H6PD: variants seen among roughly 807,000 people sequenced by gnomAD.
H6PD encodes the protein GDH/6PGL endoplasmic bifunctional protein.
A neutral mutation model predicts 61.2 loss-of-function variants in H6PD; 48 were observed. The observed-to-expected ratio is 0.78, with a 90% confidence interval of 0.62 to 1.00. H6PD has a LOEUF of 1.00. Ranked by LOEUF, H6PD falls within the 50% of genes least tolerant of loss-of-function variation. The probability of loss-of-function intolerance (pLI) is 0.00; values close to 1 mark genes in which losing one functional copy is unlikely to be tolerated. For synonymous variants in H6PD, 480 were observed against 457.9 expected (o/e 1.05, Z -0.62); for missense variants, 1,093 against 1,065.0 (o/e 1.03, Z -0.37).
intron 1 of H6PD, among the ~76,000 whole-genome samples, chr1:9,241,257 CT>C (rs976993116): frequency 8.9e-6 from 1 of 112,464 alleles, no homozygotes; most frequent in East Asian, 3.2e-4. Context: ...TTCACTGCCC[CT>C]CCCCCCACCC....
chr1:9,258,479 T>C (rs1641597146), intron 3 of H6PD, among the ~76,000 whole-genome samples: 1 of 152,222 alleles, frequency 6.6e-6, no homozygotes, highest in Admixed American at 6.5e-5. Flanking sequence ...ACACCGGTGT[T>C]GTACACCATT....
At chr1:9,253,687 C>A (rs756762045) in intron 3 of H6PD, among the ~76,000 whole-genome samples, 18 of 152,198 alleles carry the variant, frequency 1.2e-4, no homozygotes, top group Non-Finnish European at 1.8e-4. Context: ...TACCTCCAGC[C>A]GCCTTTTAGA....
chr1:9,260,022 C>A (rs910675536), intron 3 of H6PD, among the ~76,000 whole-genome samples: 5 of 151,264 alleles, frequency 3.3e-5, no homozygotes, highest in African/African-American at 1.2e-4. Context: ...TGTTGTTATG[C>A]TGGTGTTGTT....
At position 9,263,612 on chromosome 1, in the gene H6PD, C is replaced by T. The variant is rs367995382; in HGVS notation, c.1119C>T (p.Phe373=). 4.4e-5 allele frequency: 71 copies of T among 1,614,126 alleles called. No individual in the cohort carries two copies. The highest frequency in any genetic ancestry group is 5.6e-5 in the Non-Finnish European group (66 of 1,180,040). Residue 373 remains phenylalanine, a synonymous_variant, in exon 5 of 5, where the codon TTC becomes TTT. Coordinates refer to ENST00000377403, the MANE Select transcript of H6PD (RefSeq NM_004285.4). The stretch of plus-strand genomic sequence containing the variant: ...GAGTGGGCTACGCTCGGATCTTGTT[C>T]AAGAACCAGGCCTGCTGTGTGCAGA... ...DERVGYARIL[F]KNQACCVQSE...
At position 9,245,635 on chromosome 1, in the gene H6PD, G is replaced by A. The variant is rs950404089; in HGVS notation, c.627+74G>A. 36 of 1,442,916 alleles carry A rather than the reference G, an allele frequency of 2.5e-5. No homozygotes were observed. Among genetic ancestry groups the A allele is most frequent in the Middle Eastern group, 1.8e-4 (1 of 5,698 alleles). The allele number at this position is 1,442,916 out of a possible 1,614,324, so 89.4% of individuals were successfully genotyped here. A position where few individuals can be genotyped will look rare whatever the true frequency, so the allele number is the denominator to read the frequency against. On this transcript the variant is annotated intron_variant, in intron 2 of 4. Transcript: ENST00000377403. The surrounding 1 kb of genome is among the most constrained non-coding windows in gnomAD (Gnocchi z 4.8). ...GTAGACCCCAGCAACAAAGCCGCTC[G>A]CTCATTGTGGAGCTAGGCCCCAAGG... is the stretch of plus-strand genomic sequence containing the variant.
intron 1 of H6PD, among the ~76,000 whole-genome samples, chr1:9,236,668 T>TAAAAAAAA (rs34967254): frequency 4.5e-5 from 5 of 111,458 alleles, no homozygotes; most frequent in African/African-American, 1.6e-4. Context: ...GACTTCTCCT[T>TAAAAAAAA]AAAAAAAAAA....
rs779837149 is a variant in H6PD at position 9,264,441 on chromosome 1, A to C, written c.1948A>C (p.Asn650His). Residue 650 changes from asparagine to histidine, a missense_variant, in exon 5 of 5, where the codon AAC (asparagine) becomes CAC (histidine). By Grantham distance (68) the Asn-to-His change is moderately conservative. Coordinates refer to ENST00000377403, the MANE Select transcript of H6PD (RefSeq NM_004285.4). ...LLQHVRIPYY[N>H]IHPMPVHLQQ... The stretch of plus-strand genomic sequence containing the variant: ...GCAGCACGTCCGGATCCCCTACTAC[A>C]ACATCCACCCCATGCCTGTGCACCT... The C allele has an allele frequency of 6.2e-7, 1 of 1,613,058 alleles. No individual in the cohort carries two copies.
intron 3 of H6PD, among the ~76,000 whole-genome samples, chr1:9,261,079 C>T (rs564934906): frequency 2.2e-4 from 33 of 152,228 alleles, no homozygotes; most frequent in African/African-American, 5.8e-4. Context: ...CAGGCCCTGT[C>T]GTCTCTGCTG....
chr1:9,237,620 G>A (rs1329264697), intron 1 of H6PD, among the ~76,000 whole-genome samples: 1 of 152,102 alleles, frequency 6.6e-6, no homozygotes, highest in East Asian at 1.9e-4. Flanking sequence ...TATGGTTGTG[G>A]CAAGATTTAA....
chr1:9,235,856 CCTG>C (rs1166972949), intron 1 of H6PD, among the ~76,000 whole-genome samples: 2 of 152,236 alleles, frequency 1.3e-5, no homozygotes, highest in East Asian at 3.8e-4. Flanking sequence ...AAGCGATCCT[CCTG>C]CTTAAGCCTT....
At chr1:9,260,770 T>C (rs926595605) in intron 3 of H6PD, among the ~76,000 whole-genome samples, 1 of 152,102 alleles carries the variant, frequency 6.6e-6, no homozygotes, top group African/African-American at 2.4e-5. Flanking sequence ...CTGCTCCATG[T>C]TCTCCAGGTG....
Position 9,266,686 on chromosome 1 carries a change from T to C in H6PD, c.*1817T>C, listed in dbSNP as rs1040267935. The C allele has an allele frequency of 1.3e-5, 2 of 152,288 alleles. No individual in the cohort carries two copies. Among genetic ancestry groups the C allele is most frequent in the Non-Finnish European group, 2.9e-5 (2 of 68,076 alleles). 9.4% of individuals were successfully genotyped at this position (152,288 alleles called of 1,614,324 possible). ...TGGCAAAGTCGGTTTCTCTCTGGAC[T>C]GTTTACACTTCAAGGCGGTGGATTT... On this transcript the variant is annotated 3_prime_UTR_variant, in exon 5 of 5. Coordinates refer to ENST00000377403, the MANE Select transcript of H6PD (RefSeq NM_004285.4).
chr1:9,248,611 G>A (rs1641259754), intron 3 of H6PD, among the ~76,000 whole-genome samples: 1 of 145,336 alleles, frequency 6.9e-6, no homozygotes, highest in Admixed American at 7.1e-5. Context: ...AGCCTGGGGA[G>A]CATAGTGAGC....
intron 3 of H6PD, among the ~76,000 whole-genome samples, chr1:9,259,590 C>T (rs916805552): frequency 6.6e-6 from 1 of 151,568 alleles, no homozygotes; most frequent in African/African-American, 2.4e-5. Context: ...ATTGTCACAC[C>T]AGTGTTGTTA....
At chr1:9,240,490 C>T (rs1640965949) in intron 1 of H6PD, among the ~76,000 whole-genome samples, 1 of 152,098 alleles carries the variant, frequency 6.6e-6, no homozygotes, top group Admixed American at 6.5e-5. Context: ...GATCCTTTAT[C>T]TCACCCTCCC....
At chr1:9,252,491 C>G (rs1163236122) in intron 3 of H6PD, among the ~76,000 whole-genome samples, 1 of 152,102 alleles carries the variant, frequency 6.6e-6, no homozygotes, top group African/African-American at 2.4e-5. Context: ...TTGCTTTAAC[C>G]TCCCAAATAG....
rs769102377 is a variant in H6PD, at chr1:9,245,194, C to T, written c.260C>T (p.Pro87Leu). 1 of 1,614,236 alleles carries T rather than the reference C, an allele frequency of 6.2e-7. No individual in the cohort carries two copies. Among genetic ancestry groups the T allele is most frequent in the South Asian group, 1.1e-5 (1 of 91,088 alleles). ...AAGGCCCTGGAATCCCTCTCCTGCC[C>T]CAAGGACATGGCACCCAGTCACTGT... ...MAKALESLSC[P>L]KDMAPSHCAE... The change falls in exon 2 of 5, where the codon CCC (proline) becomes CTC (leucine). Residue 87 changes from proline (P) to leucine (L), a missense_variant. Physicochemically the swap from Pro to Leu is moderately conservative, Grantham distance 98. Transcript: ENST00000377403. This position sits in a 1 kb window ranked among gnomAD's most constrained non-coding sequence, Gnocchi z 4.8.
chr1:9,260,572 T>A (rs538312058), intron 3 of H6PD, among the ~76,000 whole-genome samples: 1 of 152,200 alleles, frequency 6.6e-6, no homozygotes, highest in African/African-American at 2.4e-5. Context: ...GCTGTTGTTA[T>A]GTTGTTGTTA....
chr1:9,242,076 C>T lies in H6PD; in HGVS notation c.-10-2849C>T, dbSNP rs115278256. Among the ~76,000 whole-genome samples the T allele has an allele frequency of 3.8e-3, 579 of 152,276 alleles. 7 individuals carry two copies. The highest frequency in any genetic ancestry group is 0.014 in the African/African-American group (561 of 41,554). ...AACACCTGTGTTAGGACCCACCCTACACCTACTGGATCAGAATGTCTCTGT... is the reference window on the plus strand; with the variant it reads ...AACACCTGTGTTAGGACCCACCCTATACCTACTGGATCAGAATGTCTCTGT... On this transcript the variant is annotated intron_variant, in intron 1 of 4. Transcript: ENST00000377403.
Sources: gnomAD v4.1 joint callset for allele counts (sites outside exome capture counted in the v4.1 genomes callset) on GRCh38, gnomAD v4.1.1 for gene constraint, Gnocchi (gnomAD v3.1) non-coding constraint, MANE v1.5 for transcripts, NCBI Gene and HGNC (gene_info 2026-07-23, HGNC 2026-07-21) for gene names.